The following SDK1 variants were observed in gnomAD, a reference collection of about 807,000 sequenced individuals.
SDK1 encodes the protein sidekick cell adhesion molecule 1, also known as protein sidekick-1.
A neutral mutation model predicts 245.5 loss-of-function variants in SDK1; 157 were observed. That is an observed-to-expected ratio of 0.64 (90% CI 0.56 to 0.73). The LOEUF (loss-of-function observed/expected upper bound fraction) is 0.73, where lower values mean the gene tolerates loss of function less well. Ranked by LOEUF, SDK1 falls within the 30% of genes least tolerant of loss-of-function variation. The pLI, the probability that SDK1 is intolerant of heterozygous loss-of-function variation, is 0.00. For synonymous variants in SDK1, 1,647 were observed against 1,278.5 expected (o/e 1.29, Z -6.15); for missense variants, 3,583 against 3,002.3 (o/e 1.19, Z -4.52).
In SDK1 at chr7:3,802,968, TTTCTCTGAGATGAACG is replaced by T. The variant is rs147590895; in HGVS notation, c.714-18478_714-18463del. On this transcript the variant is annotated intron_variant, in intron 4 of 44. Coordinates refer to ENST00000404826, the MANE Select transcript of SDK1 (RefSeq NM_152744.4). ...GTTTTTGCGTAGATGTAAATTTTCA[TTTCTCTGAGATGAACG>T]TTCAGGATTATAATCGGTGGGTCGA... Among the ~76,000 whole-genome samples the T allele has an allele frequency of 2.0e-5, 3 of 152,338 alleles. No homozygotes were observed. The East Asian group carries it at 5.8e-4, about 29-fold the overall frequency.
chr7:3,410,250 G>C (rs1779163845), intron 1 of SDK1, among the ~76,000 whole-genome samples: 1 of 152,034 alleles, frequency 6.6e-6, no homozygotes, highest in Non-Finnish European at 1.5e-5. Flanking sequence ...GACCTCATTT[G>C]ATGGGTCACA....
intron 4 of SDK1, among the ~76,000 whole-genome samples, chr7:3,736,187 A>C (rs1289685619): frequency 6.6e-6 from 1 of 152,108 alleles, no homozygotes; most frequent in East Asian, 1.9e-4. Context: ...AGAATTTTTA[A>C]ATTTTCATGT....
Position 3,942,479 on chromosome 7 carries a change from G to A in SDK1, c.848-8444G>A, listed in dbSNP as rs987718275. 2.6e-5 allele frequency among the ~76,000 whole-genome samples: 4 copies of A among 152,074 alleles called. No individual in the cohort carries two copies. In the East Asian group the frequency reaches 5.8e-4, roughly 22 times the overall value. Reference sequence around the variant, plus strand: ...AACTGTTATCTTATCTGGACAACACGATCAAAAAATACTATGATAGGATGT... The same window carrying A: ...AACTGTTATCTTATCTGGACAACACAATCAAAAAATACTATGATAGGATGT... On this transcript the variant is annotated intron_variant, in intron 5 of 44. Coordinates refer to ENST00000404826, the MANE Select transcript of SDK1 (RefSeq NM_152744.4).
chr7:3,944,679 G>A (rs751045465), intron 5 of SDK1, among the ~76,000 whole-genome samples: 9 of 152,096 alleles, frequency 5.9e-5, no homozygotes, highest in Admixed American at 3.3e-4. Flanking sequence ...AAAAAATGTC[G>A]AAGTCCATCT....
In SDK1 at chr7:3,524,956, A is replaced by G. The variant is rs1783071223; in HGVS notation, c.299-94124A>G. Among the ~76,000 whole-genome samples, 3 of 152,188 alleles carry G rather than the reference A, an allele frequency of 2.0e-5. No individual in the cohort carries two copies. The South Asian group carries it at 6.2e-4, about 32-fold the overall frequency. The stretch of plus-strand genomic sequence containing the variant: ...ATTACAATTGACCTCCCCATGTCTC[A>G]GGTTCCACATGCACAGATTCAACCA... On this transcript the variant is annotated intron_variant, in intron 1 of 44. Coordinates refer to ENST00000404826, the MANE Select transcript of SDK1 (RefSeq NM_152744.4).
intron 4 of SDK1, among the ~76,000 whole-genome samples, chr7:3,672,795 A>ACATATATATATATATAT (rs55676850): frequency 1.5e-5 from 1 of 67,182 alleles, no homozygotes; most frequent in Non-Finnish European, 3.0e-5. Context: ...ATATATATAT[A>ACATATATATATATATAT]AAAAATACAG....
At chr7:3,464,622 C>T (rs914431139) in intron 1 of SDK1, among the ~76,000 whole-genome samples, 8 of 151,630 alleles carry the variant, frequency 5.3e-5, no homozygotes, top group African/African-American at 1.9e-4. Context: ...TTCAAGTCAA[C>T]ATTTAAAACA....
intron 4 of SDK1, among the ~76,000 whole-genome samples, chr7:3,674,104 C>T (rs560517102): frequency 9.2e-5 from 14 of 152,114 alleles, no homozygotes; most frequent in Middle Eastern, 3.4e-3. Flanking sequence ...TGGCACAGAC[C>T]GATCACATGT....
chr7:3,419,724 T>C (rs779049488), intron 1 of SDK1, among the ~76,000 whole-genome samples: 6 of 152,194 alleles, frequency 3.9e-5, no homozygotes, highest in Non-Finnish European at 8.8e-5. Flanking sequence ...TGTTTTTAGG[T>C]TGAGAACTAC....
At chr7:3,797,703 A>G (rs1778997292) in intron 4 of SDK1, among the ~76,000 whole-genome samples, 1 of 152,130 alleles carries the variant, frequency 6.6e-6, no homozygotes, top group Non-Finnish European at 1.5e-5. Flanking sequence ...GCCCCCTGGA[A>G]TTTTATTTTG....
At chr7:4,182,880 G>A (rs941002056) in intron 35 of SDK1, among the ~76,000 whole-genome samples, 12 of 152,328 alleles carry the variant, frequency 7.9e-5, no homozygotes, top group African/African-American at 2.6e-4. Flanking sequence ...CGCCCAGCAG[G>A]CTCCTCCTGC....
chr7:3,560,191 C>T (rs779432446), intron 1 of SDK1, among the ~76,000 whole-genome samples: 3 of 152,202 alleles, frequency 2.0e-5, no homozygotes, highest in African/African-American at 2.4e-5. Flanking sequence ...GCAAAATACA[C>T]TGTTTATCTT....
intron 4 of SDK1, among the ~76,000 whole-genome samples, chr7:3,667,855 G>T (rs1783582686): frequency 6.6e-6 from 1 of 152,148 alleles, no homozygotes; most frequent in African/African-American, 2.4e-5. Flanking sequence ...CAGTTGAAGG[G>T]CATTTGGGAT....
intron 1 of SDK1, among the ~76,000 whole-genome samples, chr7:3,483,198 C>T (rs140408912): frequency 9.2e-5 from 14 of 152,302 alleles, no homozygotes; most frequent in Non-Finnish European, 1.6e-4. Context: ...TAAAAACTGA[C>T]ATCTTTACAG....
At chr7:3,485,454 C>T (rs1781656034) in intron 1 of SDK1, among the ~76,000 whole-genome samples, 1 of 152,100 alleles carries the variant, frequency 6.6e-6, no homozygotes, top group South Asian at 2.1e-4. Flanking sequence ...TTTGCTTTCC[C>T]TACCCCAAGC....
intron 4 of SDK1, among the ~76,000 whole-genome samples, chr7:3,660,300 G>A (rs1031836468): frequency 1.3e-5 from 2 of 151,782 alleles, no homozygotes; most frequent in Non-Finnish European, 2.9e-5. Context: ...CCAATACCAT[G>A]GACCACCAAG....
At chr7:4,076,977 T>G (rs1389465480) in intron 20 of SDK1, 21 bp from the exon 21 acceptor site, 1 of 1,610,532 alleles carries the variant, frequency 6.2e-7, no homozygotes, top group Non-Finnish European at 8.5e-7. Context: ...CCAACACTGG[T>G]CTGGTCCTGT....
intron 44 of SDK1, among the ~76,000 whole-genome samples, chr7:4,248,385 A>G (rs1787049029): frequency 6.6e-6 from 1 of 151,798 alleles, no homozygotes; most frequent in Admixed American, 6.6e-5. Flanking sequence ...ACACCTAAAT[A>G]CACATATGCA....
intron 4 of SDK1, among the ~76,000 whole-genome samples, chr7:3,673,198 A>G (rs1240586417): frequency 1.3e-5 from 2 of 152,170 alleles, no homozygotes; most frequent in Non-Finnish European, 2.9e-5. Context: ...CTCTCATCCT[A>G]CAGACAGGAT....
Sources: allele counts gnomAD v4.1 joint callset (sites outside exome capture counted in the v4.1 genomes callset), GRCh38; gene constraint gnomAD v4.1.1; transcripts MANE v1.5; gene names NCBI Gene and HGNC (gene_info 2026-07-23, HGNC 2026-07-21).